Variants in FMO5 observed in about 807,000 individuals in gnomAD.
FMO5 encodes the protein flavin containing dimethylaniline monoxygenase 5.
In FMO5, 51 loss-of-function variants were observed where a neutral mutation model predicts 43.6. The observed-to-expected ratio is 1.17, with a 90% CI of 0.93 to 1.48. The LOEUF is 1.48. Among genes scored for constraint, FMO5 ranks in the 40% most tolerant of loss-of-function variants. The pLI is 0.00. For missense variants in FMO5, 644 were observed against 643.0 expected (o/e 1.00, Z -0.02); for synonymous variants, 187 against 216.5 (o/e 0.86, Z 1.20).
At chr1:147,190,426 C>T (rs41312712) in intron 7 of FMO5, among the ~76,000 whole-genome samples, 177 bp from the exon 8 acceptor site, 5,621 of 152,218 alleles carry the variant, frequency 0.037, 157 homozygotes, top group South Asian at 0.095. Context: ...TTAACATCTG[C>T]AGCTTACTCT....
chr1:147,196,876 G>T (rs1309518998), intron 7 of FMO5, among the ~76,000 whole-genome samples: 2 of 152,042 alleles, frequency 1.3e-5, no homozygotes, highest in Non-Finnish European at 2.9e-5. Context: ...TTTCATTTAA[G>T]TCTGGCTCCT....
In FMO5 at chr1:147,208,872, A is replaced by G; in HGVS notation, c.810T>C (p.Phe270=). ...CATACCTGTGTTTAGGCTTCAGGCC[A>G]AACATTTCATGGTCAAACCTTTGGT... ...KINQRFDHEM[F]GLKPKHRALS... is the part of the protein sequence containing the mutation. Residue 270 remains phenylalanine (F), a synonymous_variant, in exon 6 of 9, where the codon TTT becomes TTC. Coordinates refer to ENST00000254090, the MANE Select transcript of FMO5 (RefSeq NM_001461.4). 3 of 1,614,144 alleles carry G rather than the reference A, an allele frequency of 1.9e-6. No individual in the cohort carries two copies. Among genetic ancestry groups the G allele is most frequent in the Non-Finnish European group, 2.5e-6 (3 of 1,179,970 alleles).
chr1:147,212,908 CTT>C (rs200772317), intron 4 of FMO5, among the ~76,000 whole-genome samples: 1 of 148,590 alleles, frequency 6.7e-6, no homozygotes. Flanking sequence ...GTATAGAGTG[CTT>C]TTTTTTTTAA....
At chr1:147,193,084 G>C (rs587607597) in intron 7 of FMO5, among the ~76,000 whole-genome samples, 1 of 152,260 alleles carries the variant, frequency 6.6e-6, no homozygotes, top group South Asian at 2.1e-4. Context: ...AGAAGGAATG[G>C]TACCAGCTCC....
chr1:147,217,820 G>T (rs146285321), intron 2 of FMO5, among the ~76,000 whole-genome samples: 4 of 152,276 alleles, frequency 2.6e-5, no homozygotes, highest in African/African-American at 9.6e-5. Context: ...CTATTTCTCA[G>T]CTTAGGATTC....
chr1:147,201,475 T>G lies in FMO5; in HGVS notation c.860A>C (p.Asp287Ala). The change falls in exon 7 of 9, where the codon GAT becomes GCT. Residue 287 changes from aspartate to alanine, a missense_variant. Coordinates refer to ENST00000254090, the MANE Select transcript of FMO5 (RefSeq NM_001461.4). Reference protein sequence around the residue: ...RALSQHPTLNDDLPNRIISGL... With the variant: ...RALSQHPTLNADLPNRIISGL... ...AGAAATGATACGATTTGGCAGGTCA[T>G]CATTTAAGGTTGGATGCTGACTCAG... 1 of 1,613,988 alleles carries G rather than the reference T, an allele frequency of 6.2e-7. No homozygotes were observed. Among genetic ancestry groups the G allele is most frequent in the Non-Finnish European group, 8.5e-7 (1 of 1,179,922 alleles).
intron 3 of FMO5, chr1:147,214,684 G>T (rs1242795581): frequency 6.6e-6 from 1 of 151,972 alleles, no homozygotes; most frequent in Non-Finnish European, 1.5e-5. Context: ...TTCATGTCCT[G>T]ATGGGTTCAA....
intron 5 of FMO5, among the ~76,000 whole-genome samples, chr1:147,211,768 AGC>A (rs1181558713): frequency 1.3e-5 from 2 of 152,216 alleles, no homozygotes; most frequent in Non-Finnish European, 2.9e-5. Flanking sequence ...CAAAACAAAA[AGC>A]CAAGGAGATA....
chr1:147,200,246 G>T (rs1208406184), intron 7 of FMO5, among the ~76,000 whole-genome samples: 1 of 152,184 alleles, frequency 6.6e-6, no homozygotes, highest in Non-Finnish European at 1.5e-5. Flanking sequence ...ACCCTTTGAA[G>T]CTATACTGAG....
intron 6 of FMO5, among the ~76,000 whole-genome samples, chr1:147,202,825 A>G (rs1244674307): frequency 6.6e-6 from 1 of 152,154 alleles, no homozygotes; most frequent in Non-Finnish European, 1.5e-5. Flanking sequence ...CAGTACCACC[A>G]TCCATCCATA....
In FMO5 at chr1:147,201,389, C is replaced by T; in HGVS notation, c.946G>A (p.Asp316Asn). 5.0e-6 allele frequency: 8 copies of T among 1,614,098 alleles called. No individual in the cohort carries two copies. The highest frequency in any genetic ancestry group is 6.8e-6 in the Non-Finnish European group (8 of 1,179,920). ...EFTETAAIFE[D>N]GSREDDIDAV... ...TCAATGTCATCCTCCCTGGAGCCAT[C>T]CTCAAATATGGCAGCTGTCTCCGTG... is the stretch of plus-strand genomic sequence containing the variant. The change falls in exon 7 of 9, where the codon GAT becomes AAT. Residue 316 changes from aspartate (D) to asparagine (N), a missense_variant. By Grantham distance (23) the Asp-to-Asn change is conservative (BLOSUM62 1). Coordinates refer to ENST00000254090, the MANE Select transcript of FMO5 (RefSeq NM_001461.4).
In FMO5 at chr1:147,204,688, G is replaced by T. The variant is rs587761373; in HGVS notation, c.831-3184C>A. Reference sequence around the variant, plus strand: ...AGAAGCCATTACAGTCATTTTTGCAGCAGGATGCTGTACTTCTAGTTCTCT... The same window carrying T: ...AGAAGCCATTACAGTCATTTTTGCATCAGGATGCTGTACTTCTAGTTCTCT... On this transcript the variant is annotated intron_variant, in intron 6 of 8. Transcript: ENST00000254090. 2.6e-6 allele frequency: 4 copies of T among 1,562,266 alleles called. No individual in the cohort carries two copies. The African/African-American group carries it at 4.1e-5, about 16-fold the overall frequency.
At chr1:147,218,361 G>A (rs7511885) in intron 2 of FMO5, among the ~76,000 whole-genome samples, 21,760 of 151,634 alleles carry the variant, frequency 0.14, 1,528 homozygotes, top group South Asian at 0.18. Context: ...TCAGCCTCCC[G>A]AGTAGCTGGG....
chr1:147,214,465 A>AAC (rs1559670489), intron 3 of FMO5, among the ~76,000 whole-genome samples: 2 of 86 alleles, frequency 0.023, no homozygotes, highest in Admixed American at 0.17. Flanking sequence ...AAAACAAAAA[A>AAC]CAAAAAAAAA....
chr1:147,215,834 A>G lies in FMO5; in HGVS notation c.244T>C (p.Phe82Leu), dbSNP rs185244734. 3 of 1,613,482 alleles carry G rather than the reference A, an allele frequency of 1.9e-6. No homozygotes were observed. The highest frequency in any genetic ancestry group is 3.3e-5 in the Admixed American group (2 of 60,016). ...DYPIPDHYPNFMHNAQVLEYF... is the reference protein window; with the variant it reads ...DYPIPDHYPNLMHNAQVLEYF... ...TCCAGGACCTGGGCATTATGCATGAAGTTGGGATAATGATCTGGGATTGGA... is the reference window on the plus strand; with the variant it reads ...TCCAGGACCTGGGCATTATGCATGAGGTTGGGATAATGATCTGGGATTGGA... Residue 82 changes from phenylalanine (F) to leucine (L), a missense_variant, in exon 3 of 9, where the codon TTC (phenylalanine) becomes CTC (leucine). Coordinates refer to ENST00000254090, the MANE Select transcript of FMO5 (RefSeq NM_001461.4).
Position 147,187,117 on chromosome 1 carries a change from TG to T in FMO5, c.1384del (p.His462ThrfsTer38). On this transcript the variant is annotated frameshift_variant, in exon 9 of 9. Transcript: ENST00000254090. LOFTEE classifies it low-confidence loss of function (END_TRUNC). ...LAFTDPKLAL[H>X]LLLGPCTPIH... is the part of the protein sequence containing the mutation. ...TGGAGTGCAGGGTCCCAGTAATAAG[TG>T]TAATGCCAGCTTGGGGTCAGTGAAG... 6.2e-7 allele frequency: 1 copy of T among 1,614,080 alleles called. No individual in the cohort carries two copies. Among genetic ancestry groups the T allele is most frequent in the South Asian group, 1.1e-5 (1 of 91,072 alleles).
At position 147,190,199 on chromosome 1, in the gene FMO5, C is replaced by G. The variant is rs782506028; in HGVS notation, c.1234G>C (p.Ala412Pro). 1 of 1,611,110 alleles carries G rather than the reference C, an allele frequency of 6.2e-7. No homozygotes were observed. Among genetic ancestry groups the G allele is most frequent in the South Asian group, 1.1e-5 (1 of 90,854 alleles). Residue 412 changes from alanine to proline, a missense_variant, in exon 8 of 9, where the codon GCT becomes CCT. Physicochemically the swap from Ala to Pro is conservative, Grantham distance 27. Coordinates refer to ENST00000254090, the MANE Select transcript of FMO5 (RefSeq NM_001461.4). ...TACCTTTTGTCAATTTCCTCTTGAGCTTTAGATATTTCTGCCATCATTTCA... is the reference window on the plus strand; with the variant it reads ...TACCTTTTGTCAATTTCCTCTTGAGGTTTAGATATTTCTGCCATCATTTCA... ...QSEMMAEISKAQEEIDKRYVE... is the reference protein window; with the variant it reads ...QSEMMAEISKPQEEIDKRYVE...
In FMO5 at chr1:147,186,491, G is replaced by T; in HGVS notation, c.*409C>A. 1 of 985,662 alleles carries T rather than the reference G, an allele frequency of 1.0e-6. No homozygotes were observed. The highest frequency in any genetic ancestry group is 1.2e-6 in the Non-Finnish European group (1 of 829,414). 61.1% of individuals were successfully genotyped at this position (985,662 alleles called of 1,614,324 possible). A position where few individuals can be genotyped will look rare whatever the true frequency, so the allele number is the denominator to read the frequency against. ...AAAAACTAAAATTGAGCTTCTAATA[G>T]AAAATCAAACCCTATCAGAAGAAGA... On this transcript the variant is annotated 3_prime_UTR_variant, in exon 9 of 9. Coordinates refer to ENST00000254090, the MANE Select transcript of FMO5 (RefSeq NM_001461.4).
intron 6 of FMO5, chr1:147,204,419 GT>G: frequency 8.6e-7 from 1 of 1,169,230 alleles, no homozygotes; most frequent in Non-Finnish European, 1.3e-6. Context: ...TTACCATATT[GT>G]TTACACATTA....
Sources: allele counts gnomAD v4.1 joint callset (sites outside exome capture counted in the v4.1 genomes callset), GRCh38; gene constraint gnomAD v4.1.1; transcripts MANE v1.5; gene names NCBI Gene and HGNC (gene_info 2026-07-23, HGNC 2026-07-21).